The following UBR2 variants were observed in gnomAD, a reference collection of about 807,000 sequenced individuals.
UBR2 encodes E3 ubiquitin-protein ligase UBR2.
UBR2 carries 92 observed loss-of-function variants against 247.9 expected under a neutral mutation model. The ratio of observed to expected loss-of-function variants is 0.37; its 90% CI spans 0.31 to 0.44. The LOEUF (loss-of-function observed/expected upper bound fraction) is 0.44. Ranked by LOEUF, UBR2 falls within the 20% of genes least tolerant of loss-of-function variation. UBR2 has a pLI of 1.00. For synonymous variants in UBR2, 672 were observed against 693.5 expected (o/e 0.97, Z 0.49); for missense variants, 1,613 against 2,112.6 (o/e 0.76, Z 4.64).
In UBR2 at chr6:42,609,615, C is replaced by T. The variant is rs571182320; in HGVS notation, c.865-2556C>T. On this transcript the variant is annotated intron_variant, in intron 7 of 46. Coordinates refer to ENST00000372901, the MANE Select transcript of UBR2 (RefSeq NM_001363705.2). ...CTTAAAAAGTGTTGGCCAAGCACAT[C>T]GGCTCACTCCTGTAATCCCAGCATT... Among the ~76,000 whole-genome samples, 3 of 151,780 alleles carry T rather than the reference C, an allele frequency of 2.0e-5. No homozygotes were observed. In the East Asian group the frequency reaches 5.8e-4, roughly 29 times the overall value.
intron 32 of UBR2, 117 bp from the exon 33 acceptor site, chr6:42,665,292 C>G (rs971746814): frequency 4.3e-6 from 3 of 694,550 alleles, no homozygotes; most frequent in Non-Finnish European, 6.8e-6. Flanking sequence ...TTTCCCTTAT[C>G]CTTTTTGTTT....
At chr6:42,580,403 C>A (rs540863692) in intron 2 of UBR2, among the ~76,000 whole-genome samples, 34 of 152,186 alleles carry the variant, frequency 2.2e-4, no homozygotes, top group Admixed American at 2.2e-3. Context: ...AATAATAGAA[C>A]CATAAAGGCT....
chr6:42,665,552 C>A (rs368044392), intron 33 of UBR2, 40 bp downstream of exon 33: 10 of 1,435,436 alleles, frequency 7.0e-6, no homozygotes, highest in South Asian at 2.5e-5. Flanking sequence ...CCCTAAAGTC[C>A]GAGGTCATCA....
At chr6:42,604,174 T>C (rs1793554679) in intron 5 of UBR2, among the ~76,000 whole-genome samples, 1 of 152,222 alleles carries the variant, frequency 6.6e-6, no homozygotes, top group African/African-American at 2.4e-5. Flanking sequence ...ACTGTGCTTT[T>C]CTAGTGTACA....
chr6:42,667,420 G>A (rs1798168745), intron 34 of UBR2, among the ~76,000 whole-genome samples: 2 of 151,032 alleles, frequency 1.3e-5, no homozygotes, highest in Non-Finnish European at 1.5e-5. Flanking sequence ...GTCACTTCTA[G>A]TGTTTACTTC....
chr6:42,660,996 T>TA (rs11449013), intron 30 of UBR2, among the ~76,000 whole-genome samples: 49,228 of 139,106 alleles, frequency 0.35, 8,667 homozygotes, highest in African/African-American at 0.45. Flanking sequence ...TGTTTGTTTT[T>TA]AAAAAAAAAA....
intron 2 of UBR2, among the ~76,000 whole-genome samples, chr6:42,579,018 CT>C (rs750269119): frequency 6.6e-6 from 1 of 151,892 alleles, no homozygotes; most frequent in Non-Finnish European, 1.5e-5. Context: ...GTCTTGATCT[CT>C]TGCAGGATTC....
chr6:42,659,557 AC>A lies in UBR2; in HGVS notation c.3243-98del. 6 of 763,394 alleles carry A rather than the reference AC, an allele frequency of 7.9e-6. No individual in the cohort carries two copies. The highest frequency in any genetic ancestry group is 1.7e-5 in the South Asian group (1 of 59,864). 47.3% of individuals were successfully genotyped at this position (763,394 alleles called of 1,614,324 possible). A position where few individuals can be genotyped will look rare whatever the true frequency, so the allele number is the denominator to read the frequency against. On this transcript the variant is annotated intron_variant, in intron 29 of 46. Coordinates refer to ENST00000372901, the MANE Select transcript of UBR2 (RefSeq NM_001363705.2). This position sits in a 1 kb window ranked among gnomAD's most constrained non-coding sequence, Gnocchi z 4.3. The stretch of plus-strand genomic sequence containing the variant: ...CACACACACACACACACACACACAC[AC>A]ACACTACACACACACACACATACCT...
rs79237032 is a variant in UBR2 at position 42,645,331 on chromosome 6, C to T, written c.2285-135C>T. 4.9e-4 allele frequency: 402 copies of T among 822,892 alleles called. 2 individuals carry two copies. In the East Asian group the frequency reaches 0.01, roughly 21 times the overall value. The allele number at this position is 822,892 out of a possible 1,614,324, so 51.0% of individuals were successfully genotyped here. A position where few individuals can be genotyped will look rare whatever the true frequency, so the allele number is the denominator to read the frequency against. The stretch of plus-strand genomic sequence containing the variant: ...GAGCTGCTCTCTCCCTGGCTTATTG[C>T]AGAACAGTCATTACTTTCCCATTGC... On this transcript the variant is annotated intron_variant, in intron 20 of 46. Coordinates refer to ENST00000372901, the MANE Select transcript of UBR2 (RefSeq NM_001363705.2).
At chr6:42,592,409 C>T (rs1792725475) in intron 3 of UBR2, among the ~76,000 whole-genome samples, 180 bp downstream of exon 3, 1 of 152,066 alleles carries the variant, frequency 6.6e-6, no homozygotes, top group Non-Finnish European at 1.5e-5. Context: ...TGAATCCACA[C>T]TTCTTGGAGC....
At chr6:42,667,762 C>A (rs892219521) in intron 34 of UBR2, among the ~76,000 whole-genome samples, 1 of 67,112 alleles carries the variant, frequency 1.5e-5, no homozygotes. Context: ...ACAACTTTTT[C>A]TTTTTTTTTT....
At chr6:42,589,015 G>A (rs1307622041) in intron 2 of UBR2, among the ~76,000 whole-genome samples, 2 of 152,068 alleles carry the variant, frequency 1.3e-5, no homozygotes, top group African/African-American at 4.8e-5. Context: ...TCCAAAGATA[G>A]AGTTATCCAG....
At chr6:42,652,396 A>G (rs1278103218) in intron 24 of UBR2, 95 bp from the exon 25 acceptor site, 14 of 1,369,864 alleles carry the variant, frequency 1.0e-5, no homozygotes, top group Non-Finnish European at 1.3e-5. Flanking sequence ...TGTGTTAATG[A>G]ATATTCTTTG....
At chr6:42,579,483 T>C (rs1231984253) in intron 2 of UBR2, among the ~76,000 whole-genome samples, 1 of 152,176 alleles carries the variant, frequency 6.6e-6, no homozygotes, top group Non-Finnish European at 1.5e-5. Flanking sequence ...ATGTGAATAG[T>C]CCAGAGATTG....
rs569734904 is a variant in UBR2, at chr6:42,580,924, T to C, written c.338+6931T>C. On this transcript the variant is annotated intron_variant, in intron 2 of 46. Coordinates refer to ENST00000372901, the MANE Select transcript of UBR2 (RefSeq NM_001363705.2). ...AGAACTTTCCTGTCTCACTAGAAATTTCCCTGTCATTGGCTCCAGCCGCCT... is the reference window on the plus strand; with the variant it reads ...AGAACTTTCCTGTCTCACTAGAAATCTCCCTGTCATTGGCTCCAGCCGCCT... 6.6e-5 allele frequency among the ~76,000 whole-genome samples: 10 copies of C among 152,140 alleles called. No individual in the cohort carries two copies. In the East Asian group the frequency reaches 9.6e-4, roughly 15 times the overall value.
At chr6:42,685,015 A>T in intron 44 of UBR2, 144 bp downstream of exon 44, 2 of 656,832 alleles carry the variant, frequency 3.0e-6, no homozygotes, top group South Asian at 2.4e-5. Context: ...AGAAAAAAGG[A>T]AAAAAAGAAG....
At chr6:42,566,653 C>G (rs2181331) in intron 1 of UBR2, among the ~76,000 whole-genome samples, 102,921 of 151,962 alleles carry the variant, frequency 0.68, 35,410 homozygotes, top group African/African-American at 0.8. Flanking sequence ...CTCCCAAAGT[C>G]CTGGGATTAC....
intron 36 of UBR2, among the ~76,000 whole-genome samples, chr6:42,672,197 T>A (rs555973020): frequency 6.6e-6 from 1 of 152,244 alleles, no homozygotes; most frequent in South Asian, 2.1e-4. Context: ...CGTGCCCAGC[T>A]AATTTTTGCG....
At chr6:42,679,954 A>G (rs1380312492) in intron 42 of UBR2, 122 bp downstream of exon 42, 6 of 637,478 alleles carry the variant, frequency 9.4e-6, no homozygotes, top group African/African-American at 9.4e-5. Context: ...AAATAATTCA[A>G]ACTATAATGG....
Sources: gnomAD v4.1 joint callset for allele counts (sites outside exome capture counted in the v4.1 genomes callset) on GRCh38, gnomAD v4.1.1 for gene constraint, Gnocchi (gnomAD v3.1) non-coding constraint, MANE v1.5 for transcripts, NCBI Gene and HGNC (gene_info 2026-07-23, HGNC 2026-07-21) for gene names.